SLC2A13: variants seen among roughly 807,000 people sequenced by gnomAD.
SLC2A13 encodes solute carrier family 2 member 13, also known as proton myo-inositol cotransporter.
Under a neutral mutation model 64.4 loss-of-function variants are expected in SLC2A13, and 32 were observed. The observed-to-expected ratio is 0.50, with a 90% CI of 0.37 to 0.67. SLC2A13 has a LOEUF of 0.67. Ranked by LOEUF, SLC2A13 falls within the 30% of genes least tolerant of loss-of-function variation. The pLI is 0.00. For synonymous variants in SLC2A13, 338 were observed against 327.1 expected (o/e 1.03, Z -0.36); for missense variants, 743 against 829.2 (o/e 0.90, Z 1.28).
intron 1 of SLC2A13, among the ~76,000 whole-genome samples, chr12:40,056,330 G>A (rs1055900427): frequency 3.9e-5 from 6 of 152,058 alleles, no homozygotes; most frequent in African/African-American, 7.2e-5. Flanking sequence ...GAAAAACACA[G>A]AGAAAGAAAG....
intron 2 of SLC2A13, among the ~76,000 whole-genome samples, chr12:40,029,715 C>G (rs1395639872): frequency 6.6e-6 from 1 of 152,092 alleles, no homozygotes; most frequent in African/African-American, 2.4e-5. Context: ...AAATTACAAA[C>G]TTAAACTACA....
chr12:40,096,674 T>C (rs1174373735), intron 1 of SLC2A13, among the ~76,000 whole-genome samples: 1 of 152,002 alleles, frequency 6.6e-6, no homozygotes. Flanking sequence ...GTTGGATCTA[T>C]CACTGGAATT....
chr12:39,970,665 T>C (rs1353117267), intron 3 of SLC2A13, among the ~76,000 whole-genome samples: 2 of 152,194 alleles, frequency 1.3e-5, no homozygotes, highest in African/African-American at 4.8e-5. Context: ...CTTTTGGTTT[T>C]AAAAAACAAA....
intron 4 of SLC2A13, among the ~76,000 whole-genome samples, chr12:39,889,973 T>C (rs1428545123): frequency 6.6e-6 from 1 of 152,200 alleles, no homozygotes; most frequent in Admixed American, 6.5e-5. Flanking sequence ...CTCTGGCCAA[T>C]AATATTTTAC....
intron 4 of SLC2A13, among the ~76,000 whole-genome samples, chr12:39,886,702 T>C (rs553494654): frequency 2.3e-4 from 35 of 152,340 alleles, no homozygotes; most frequent in Admixed American, 5.9e-4. Context: ...TCATTTCCTG[T>C]TCTTTATTAT....
intron 3 of SLC2A13, among the ~76,000 whole-genome samples, chr12:39,973,607 T>C (rs940134407): frequency 1.3e-5 from 2 of 152,142 alleles, no homozygotes; most frequent in African/African-American, 4.8e-5. Flanking sequence ...GCCAAGACAA[T>C]ACTCTTGATT....
intron 3 of SLC2A13, among the ~76,000 whole-genome samples, chr12:39,998,202 A>C (rs1236897474): frequency 6.6e-6 from 1 of 152,220 alleles, no homozygotes; most frequent in Non-Finnish European, 1.5e-5. Context: ...ACTCAGCCAT[A>C]AAAAGGAATA....
chr12:39,921,828 T>C (rs1339647838), intron 4 of SLC2A13, among the ~76,000 whole-genome samples: 2 of 152,142 alleles, frequency 1.3e-5, no homozygotes, highest in East Asian at 1.9e-4. Context: ...ATTTGAATAA[T>C]AGTCAACCTA....
rs114263695 is a variant in SLC2A13, at chr12:39,882,677, C to T, written c.1035-10716G>A. On this transcript the variant is annotated intron_variant, in intron 4 of 9. Coordinates refer to ENST00000280871, the MANE Select transcript of SLC2A13 (RefSeq NM_052885.4). ...AGCAATCAGATGGGTGCTCCCCTGC[C>T]TCATCACCACCAAATCTACCCACAT... 3.4e-3 allele frequency among the ~76,000 whole-genome samples: 524 copies of T among 152,240 alleles called. 1 individual carries two copies. The highest frequency in any genetic ancestry group is 0.012 in the African/African-American group (499 of 41,550).
intron 1 of SLC2A13, among the ~76,000 whole-genome samples, chr12:40,098,536 G>A (rs1170347832): frequency 1.3e-5 from 2 of 152,218 alleles, no homozygotes; most frequent in African/African-American, 4.8e-5. Flanking sequence ...ACAAACAAAA[G>A]TAATGTCCAC....
chr12:40,044,311 A>G (rs1055937403), intron 2 of SLC2A13, among the ~76,000 whole-genome samples: 4 of 152,132 alleles, frequency 2.6e-5, no homozygotes, highest in Non-Finnish European at 5.9e-5. Flanking sequence ...TAAATGTGGG[A>G]CAGCTTGGGG....
At chr12:39,963,092 C>T (rs542384535) in intron 3 of SLC2A13, among the ~76,000 whole-genome samples, 1 of 152,220 alleles carries the variant, frequency 6.6e-6, no homozygotes, top group Admixed American at 6.5e-5. Context: ...CGAGACCATC[C>T]TGGCTAACAC....
intron 4 of SLC2A13, among the ~76,000 whole-genome samples, chr12:39,941,653 G>T (rs1426800261): frequency 6.6e-6 from 1 of 152,156 alleles, no homozygotes; most frequent in Non-Finnish European, 1.5e-5. Flanking sequence ...GTTCATTGTG[G>T]ATTCTGGATA....
At chr12:40,016,194 C>T (rs942240779) in intron 3 of SLC2A13, among the ~76,000 whole-genome samples, 2 of 151,746 alleles carry the variant, frequency 1.3e-5, no homozygotes, top group Non-Finnish European at 2.9e-5. Context: ...ACTACACCAC[C>T]CCCCCAAAAA....
intron 3 of SLC2A13, among the ~76,000 whole-genome samples, chr12:39,974,839 T>A (rs181124240): frequency 2.6e-5 from 4 of 152,338 alleles, no homozygotes; most frequent in Non-Finnish European, 5.9e-5. Flanking sequence ...TACATTTTCC[T>A]GTAAGCCTTT....
At chr12:39,861,907 A>G (rs1943771794) in intron 6 of SLC2A13, among the ~76,000 whole-genome samples, 1 of 152,170 alleles carries the variant, frequency 6.6e-6, no homozygotes, top group African/African-American at 2.4e-5. Flanking sequence ...ATACATGTGC[A>G]GGACGTGCAG....
chr12:39,874,335 C>T (rs11174086), intron 4 of SLC2A13, among the ~76,000 whole-genome samples: 12,087 of 152,002 alleles, frequency 0.08, 608 homozygotes, highest in Admixed American at 0.14. Flanking sequence ...AATGAGGGGC[C>T]GGGCACGGTG....
At chr12:39,965,058 T>G (rs1298211258) in intron 3 of SLC2A13, among the ~76,000 whole-genome samples, 1 of 152,184 alleles carries the variant, frequency 6.6e-6, no homozygotes, top group East Asian at 1.9e-4. Flanking sequence ...CAGATACAAA[T>G]GACAAGATAT....
intron 1 of SLC2A13, among the ~76,000 whole-genome samples, chr12:40,048,420 T>C (rs1948202254): frequency 6.6e-6 from 1 of 152,170 alleles, no homozygotes; most frequent in Admixed American, 6.6e-5. Flanking sequence ...ATTTTTCTTA[T>C]TATCACTTGA....
Sources: gnomAD v4.1 joint callset for allele counts (sites outside exome capture counted in the v4.1 genomes callset) on GRCh38, gnomAD v4.1.1 for gene constraint, MANE v1.5 for transcripts, NCBI Gene and HGNC (gene_info 2026-07-23, HGNC 2026-07-21) for gene names.